Variants in CCDC169 observed in about 807,000 individuals in gnomAD.
CCDC169 encodes coiled-coil domain containing 169, also known as coiled-coil domain-containing protein 169.
A neutral mutation model predicts 36.0 loss-of-function variants in CCDC169; 30 were observed. That is an observed-to-expected ratio of 0.83 (90% CI 0.62 to 1.13). The LOEUF (loss-of-function observed/expected upper bound fraction) is 1.13. Among genes scored for constraint, CCDC169 ranks in the 50% most tolerant of loss-of-function variants. CCDC169 has a pLI of 0.00. For synonymous variants in CCDC169, 85 were observed against 81.5 expected (o/e 1.04, Z -0.23); for missense variants, 245 against 245.9 (o/e 1.00, Z 0.03).
chr13:36,247,281 G>A (rs1872622342), intron 7 of CCDC169, among the ~76,000 whole-genome samples: 1 of 152,330 alleles, frequency 6.6e-6, no homozygotes, highest in South Asian at 2.1e-4. Context: ...GATAAATGCT[G>A]TTTAAATGCC....
At chr13:36,297,166 A>C (rs1879610760) in intron 1 of CCDC169, among the ~76,000 whole-genome samples, 1 of 152,222 alleles carries the variant, frequency 6.6e-6, no homozygotes. Flanking sequence ...TGTTTCAAAA[A>C]TTTAACACGA....
At chr13:36,280,121 C>T (rs1174403782) in intron 4 of CCDC169, 1 of 151,956 alleles carries the variant, frequency 6.6e-6, no homozygotes, top group Non-Finnish European at 1.5e-5. Context: ...ATGATATGCA[C>T]AGTATGATAC....
intron 7 of CCDC169, among the ~76,000 whole-genome samples, chr13:36,239,921 T>C (rs1871567925): frequency 6.6e-6 from 1 of 152,174 alleles, no homozygotes; most frequent in African/African-American, 2.4e-5. Context: ...GACACCACAT[T>C]CATATAACTT....
chr13:36,294,188 G>A (rs1317387086), intron 2 of CCDC169, among the ~76,000 whole-genome samples: 9 of 152,154 alleles, frequency 5.9e-5, no homozygotes, highest in Middle Eastern at 3.4e-3. Flanking sequence ...TCATTCTGAC[G>A]TTTTCTCTTT....
intron 4 of CCDC169, among the ~76,000 whole-genome samples, chr13:36,276,863 T>G (rs1025301428): frequency 3.3e-5 from 5 of 152,174 alleles, no homozygotes; most frequent in African/African-American, 1.2e-4. Context: ...TCTGTTGATC[T>G]TAAGTTGTGC....
chr13:36,270,148 A>G (rs1875843118), intron 4 of CCDC169, among the ~76,000 whole-genome samples: 1 of 152,216 alleles, frequency 6.6e-6, no homozygotes, highest in African/African-American at 2.4e-5. Flanking sequence ...CTGAGAATCA[A>G]ATCAAGAACT....
chr13:36,259,090 A>T (rs1333380061), intron 4 of CCDC169, among the ~76,000 whole-genome samples: 1 of 152,074 alleles, frequency 6.6e-6, no homozygotes, highest in African/African-American at 2.4e-5. Context: ...GGCTCCAGGG[A>T]CTCCCAGGAT....
intron 4 of CCDC169, among the ~76,000 whole-genome samples, chr13:36,278,798 T>C (rs1159265348): frequency 6.6e-6 from 1 of 152,204 alleles, no homozygotes; most frequent in African/African-American, 2.4e-5. Context: ...ACTTATGACT[T>C]GGTGATCTCT....
rs1009328004 is a variant in CCDC169 at position 36,261,144 on chromosome 13, G to T, written c.316-7001C>A. On this transcript the variant is annotated intron_variant, in intron 4 of 7. Transcript: ENST00000239859. ...AGGCATTAAACCAAGTGGACCAAAG[G>T]CTTAACCAGGAGATAGCATCTGGTT... Among the ~76,000 whole-genome samples, 7 of 152,218 alleles carry T rather than the reference G, an allele frequency of 4.6e-5. No individual in the cohort carries two copies. In the East Asian group the frequency reaches 1.2e-3, roughly 25 times the overall value.
intron 4 of CCDC169, among the ~76,000 whole-genome samples, chr13:36,264,264 A>G (rs1874981644): frequency 6.6e-6 from 1 of 152,294 alleles, no homozygotes; most frequent in Admixed American, 6.5e-5. Flanking sequence ...ATACTTCAGA[A>G]GTTTTTAAAA....
intron 7 of CCDC169, among the ~76,000 whole-genome samples, chr13:36,231,979 A>C (rs1178797541): frequency 6.6e-6 from 1 of 152,228 alleles, no homozygotes; most frequent in African/African-American, 2.4e-5. Context: ...AAGTGATGAC[A>C]AATTGGCAAT....
At chr13:36,222,903 T>C (rs952356648), downstream of CCDC169, 15 of 151,518 alleles carry the variant, frequency 9.9e-5, no homozygotes, top group African/African-American at 3.2e-4. Flanking sequence ...ACAGAAGATA[T>C]AAAAAAAGAA....
At chr13:36,256,292 C>A (rs189181917) in intron 4 of CCDC169, among the ~76,000 whole-genome samples, 5 of 152,278 alleles carry the variant, frequency 3.3e-5, no homozygotes, top group East Asian at 1.9e-4. Flanking sequence ...AAATACCCGA[C>A]ACTAGGTAAT....
intron 2 of CCDC169, among the ~76,000 whole-genome samples, chr13:36,286,001 T>A (rs181237526): frequency 6.6e-6 from 1 of 152,214 alleles, no homozygotes; most frequent in South Asian, 2.1e-4. Flanking sequence ...CTTTTGTTAA[T>A]TGAACTATGC....
intron 7 of CCDC169, among the ~76,000 whole-genome samples, chr13:36,231,966 T>C (rs1870485616): frequency 6.6e-6 from 1 of 152,192 alleles, no homozygotes; most frequent in Admixed American, 6.5e-5. Context: ...CTCTCCTCCA[T>C]AAAAGTGATG....
chr13:36,270,666 T>G (rs147048460), intron 4 of CCDC169, among the ~76,000 whole-genome samples: 1 of 152,286 alleles, frequency 6.6e-6, no homozygotes, highest in African/African-American at 2.4e-5. Context: ...AAACATAACT[T>G]AGGGAATGGA....
chr13:36,292,149 G>C (rs1594095439), intron 2 of CCDC169, among the ~76,000 whole-genome samples: 2 of 151,950 alleles, frequency 1.3e-5, no homozygotes, highest in Admixed American at 1.3e-4. Flanking sequence ...CACCACACCT[G>C]ACTAATTTTT....
At chr13:36,229,709 A>G (rs972909274), downstream of CCDC169, among the ~76,000 whole-genome samples, 3 of 151,630 alleles carry the variant, frequency 2.0e-5, no homozygotes, top group African/African-American at 7.3e-5. Context: ...GGCTAACTGT[A>G]TTTTTTGTAT....
At chr13:36,296,126 C>T (rs1024090756) in intron 1 of CCDC169, among the ~76,000 whole-genome samples, 1 of 152,340 alleles carries the variant, frequency 6.6e-6, no homozygotes, top group African/African-American at 2.4e-5. Flanking sequence ...GAATCTCGCT[C>T]TGTCGCCCAG....
Sources: allele counts gnomAD v4.1 joint callset (sites outside exome capture counted in the v4.1 genomes callset), GRCh38; gene constraint gnomAD v4.1.1; transcripts MANE v1.5; gene names NCBI Gene and HGNC (gene_info 2026-07-23, HGNC 2026-07-21).